Variants in PCSK6 observed in about 807,000 individuals in gnomAD.
The protein encoded by PCSK6 is paired basic amino acid cleaving enzyme 4.
In PCSK6, 85 loss-of-function variants were observed where a neutral mutation model predicts 123.3. The ratio of observed to expected loss-of-function variants is 0.69; its 90% CI spans 0.58 to 0.83. The LOEUF is 0.83. Among genes scored for constraint, PCSK6 ranks in the 40% least tolerant of loss-of-function variants. The pLI, the probability that PCSK6 is intolerant of heterozygous loss-of-function variation, is 0.00. For missense variants in PCSK6, 1,191 were observed against 1,282.3 expected (o/e 0.93, Z 1.09); for synonymous variants, 508 against 516.0 (o/e 0.98, Z 0.21).
At chr15:101,399,948 G>C (rs2042537653) in intron 6 of PCSK6, among the ~76,000 whole-genome samples, 1 of 152,180 alleles carries the variant, frequency 6.6e-6, no homozygotes, top group African/African-American at 2.4e-5. Context: ...GACTTCTTCT[G>C]ATTGTAAGAA....
rs757758599 is a variant in PCSK6, at chr15:101,305,259, T to C, written c.2909A>G (p.Ter970=). The C allele has an allele frequency of 6.2e-6, 10 of 1,609,612 alleles. No homozygotes were observed. The Admixed American group carries it at 1.7e-4, about 27-fold the overall frequency. Residue 970 remains the stop codon, a stop_retained_variant, in exon 22 of 22, where the codon TAA becomes TGA. Coordinates refer to ENST00000611716, the MANE Select transcript of PCSK6 (RefSeq NM_002570.5). This position sits in a 1 kb window ranked among gnomAD's most constrained non-coding sequence, Gnocchi z 4.8. ...FCCRTCLLAG[*] ...CCCTCTGTGGGCAGCTAGGCACCCT[T>C]ACCCGGCCAGGAGGCACGTGCGGCA...
chr15:101,362,013 G>A (rs1032093653), intron 13 of PCSK6, among the ~76,000 whole-genome samples: 1 of 143,198 alleles, frequency 7.0e-6, no homozygotes, highest in South Asian at 2.3e-4. Flanking sequence ...CTGGAGTGCA[G>A]TGGCGCAATC....
At position 101,331,509 on chromosome 15, in the gene PCSK6, G is replaced by A. The variant is rs1401307708; in HGVS notation, c.2077+142C>T. 6 of 729,862 alleles carry A rather than the reference G, an allele frequency of 8.2e-6. No individual in the cohort carries two copies. The African/African-American group carries it at 1.0e-4, about 13-fold the overall frequency. 45.2% of individuals were successfully genotyped at this position (729,862 alleles called of 1,614,324 possible). Reference sequence around the variant, plus strand: ...TGAGGGAGTCAGGAGGCTGAGCTGTGAGATGGGGGCCTTTGGAAAGGGGGT... The same window carrying A: ...TGAGGGAGTCAGGAGGCTGAGCTGTAAGATGGGGGCCTTTGGAAAGGGGGT... On this transcript the variant is annotated intron_variant, in intron 15 of 21. Transcript: ENST00000611716.
chr15:101,330,238 T>C (rs991081795), intron 15 of PCSK6, among the ~76,000 whole-genome samples: 3 of 152,206 alleles, frequency 2.0e-5, no homozygotes, highest in Non-Finnish European at 4.4e-5. Flanking sequence ...CCAGGGACCA[T>C]CTTGCCTGCT....
chr15:101,447,106 C>T (rs1044148925), intron 1 of PCSK6, among the ~76,000 whole-genome samples: 6 of 152,184 alleles, frequency 3.9e-5, no homozygotes, highest in Admixed American at 6.5e-5. Flanking sequence ...TGCTGTCTCT[C>T]GTCCTCCCCA....
chr15:101,348,263 C>T (rs1005305155), intron 13 of PCSK6, among the ~76,000 whole-genome samples: 2 of 152,196 alleles, frequency 1.3e-5, no homozygotes, highest in South Asian at 2.1e-4. Flanking sequence ...CTGGGGGAGC[C>T]GAGGCAAGGA....
chr15:101,320,528 T>C (rs896143818), intron 18 of PCSK6, among the ~76,000 whole-genome samples: 5 of 152,244 alleles, frequency 3.3e-5, no homozygotes, highest in South Asian at 2.1e-4. Context: ...TGGTTTTTCC[T>C]ATCTCTTACA....
At chr15:101,406,218 CCA>C (rs10548867) in intron 6 of PCSK6, among the ~76,000 whole-genome samples, 125,917 of 151,718 alleles carry the variant, frequency 0.83, 52,497 homozygotes, top group Admixed American at 0.88. Flanking sequence ...GCCCACACAC[CCA>C]CACACACACA....
At chr15:101,350,252 G>A (rs186017318) in intron 13 of PCSK6, among the ~76,000 whole-genome samples, 7 of 152,248 alleles carry the variant, frequency 4.6e-5, no homozygotes, top group Admixed American at 6.5e-5. Context: ...ACTATCTTGT[G>A]TTTACTGGTT....
intron 13 of PCSK6, among the ~76,000 whole-genome samples, chr15:101,338,730 T>C (rs939895377): frequency 6.6e-6 from 1 of 152,224 alleles, no homozygotes; most frequent in Admixed American, 6.5e-5. Context: ...TCTTAAAAGA[T>C]GCCCAATCAA....
At chr15:101,476,735 T>C (rs927588232) in intron 1 of PCSK6, among the ~76,000 whole-genome samples, 1 of 152,238 alleles carries the variant, frequency 6.6e-6, no homozygotes, top group African/African-American at 2.4e-5. Context: ...TTTTGCTTTG[T>C]ACACCTGCAC....
chr15:101,432,953 A>G (rs2056493535), intron 2 of PCSK6, among the ~76,000 whole-genome samples: 1 of 152,258 alleles, frequency 6.6e-6, no homozygotes, highest in African/African-American at 2.4e-5. Context: ...TAGTAGTAGC[A>G]TCAGTTCCTG....
At chr15:101,476,569 A>C (rs2057736118) in intron 1 of PCSK6, among the ~76,000 whole-genome samples, 1 of 152,102 alleles carries the variant, frequency 6.6e-6, no homozygotes, top group Admixed American at 6.5e-5. Flanking sequence ...TATTAAAAAA[A>C]AAAAAAACAA....
At chr15:101,408,417 G>C (rs141171963) in intron 6 of PCSK6, among the ~76,000 whole-genome samples, 1 of 152,356 alleles carries the variant, frequency 6.6e-6, no homozygotes, top group East Asian at 1.9e-4. Flanking sequence ...TCGAGAGCTA[G>C]CCTCACCCAT....
intron 11 of PCSK6, among the ~76,000 whole-genome samples, chr15:101,375,143 G>C (rs1461270681): frequency 6.6e-6 from 1 of 152,010 alleles, no homozygotes; most frequent in Non-Finnish European, 1.5e-5. Flanking sequence ...AGTAGAGATG[G>C]GGTTTCCCCA....
intron 13 of PCSK6, chr15:101,334,586 AG>A (rs1051017822): frequency 1.3e-5 from 2 of 152,272 alleles, no homozygotes; most frequent in Non-Finnish European, 2.9e-5. Context: ...AAGGAATCCG[AG>A]CACTTTAACC....
intron 13 of PCSK6, among the ~76,000 whole-genome samples, chr15:101,338,878 A>G (rs1187303564): frequency 2.0e-5 from 3 of 152,236 alleles, no homozygotes; most frequent in African/African-American, 7.2e-5. Flanking sequence ...GAGGCAGAGG[A>G]TAATCCACAG....
At chr15:101,318,679 A>C (rs756142554) in intron 18 of PCSK6, among the ~76,000 whole-genome samples, 1 of 152,232 alleles carries the variant, frequency 6.6e-6, no homozygotes, top group Non-Finnish European at 1.5e-5. Flanking sequence ...TGACCCAGTG[A>C]TAGCTTTTTC....
At chr15:101,381,389 A>C (rs1481711068) in intron 11 of PCSK6, among the ~76,000 whole-genome samples, 1 of 152,092 alleles carries the variant, frequency 6.6e-6, no homozygotes, top group Non-Finnish European at 1.5e-5. Flanking sequence ...TCAATCAATG[A>C]ACAAATATAA....
Sources: gnomAD v4.1 joint callset for allele counts (sites outside exome capture counted in the v4.1 genomes callset) on GRCh38, gnomAD v4.1.1 for gene constraint, Gnocchi (gnomAD v3.1) non-coding constraint, MANE v1.5 for transcripts, NCBI Gene and HGNC (gene_info 2026-07-23, HGNC 2026-07-21) for gene names.